The following LINGO2 variants were observed in gnomAD, a reference collection of about 807,000 sequenced individuals.
LINGO2 encodes leucine-rich repeat and immunoglobulin-like domain-containing nogo receptor-interacting protein 2.
A neutral mutation model predicts 30.6 loss-of-function variants in LINGO2; 14 were observed. The observed-to-expected ratio is 0.46, with a 90% CI of 0.30 to 0.72. LINGO2 has a LOEUF of 0.72. LINGO2 is among the 30% of genes least tolerant of loss of function. The pLI is 0.07. For synonymous variants in LINGO2, 317 were observed against 288.5 expected (o/e 1.10, Z -1.00); for missense variants, 729 against 751.7 (o/e 0.97, Z 0.35).
chr9:28,381,173 T>C (rs1821339413), intron 2 of LINGO2, among the ~76,000 whole-genome samples: 1 of 151,936 alleles, frequency 6.6e-6, no homozygotes, highest in African/African-American at 2.4e-5. Context: ...TCCAGAGTCC[T>C]AGTGTGGAAG....
At chr9:28,416,151 A>G (rs1319943948) in intron 2 of LINGO2, among the ~76,000 whole-genome samples, 1 of 152,194 alleles carries the variant, frequency 6.6e-6, no homozygotes, top group Non-Finnish European at 1.5e-5. Context: ...AGGAGTAGCT[A>G]TAGCAGATAT....
At chr9:29,093,090 G>C in the LINGO2 span, among the ~76,000 whole-genome samples, 1 of 128,592 alleles carries the variant, frequency 7.8e-6, no homozygotes, top group East Asian at 2.7e-4. Context: ...GGGACAGAGA[G>C]AGAGAGAGAG....
At chr9:29,132,720 C>T in the LINGO2 span, among the ~76,000 whole-genome samples, 7 of 152,110 alleles carry the variant, frequency 4.6e-5, no homozygotes, top group African/African-American at 1.7e-4. Context: ...TGCCAACAAC[C>T]TGGAAAACTT....
chr9:28,395,650 G>A (rs1390009248), intron 2 of LINGO2, among the ~76,000 whole-genome samples: 1 of 152,052 alleles, frequency 6.6e-6, no homozygotes, highest in Non-Finnish European at 1.5e-5. Flanking sequence ...AATTTCATTG[G>A]GTGGTAAATA....
chr9:28,591,561 A>G (rs897878860), intron 1 of LINGO2, among the ~76,000 whole-genome samples: 1 of 151,986 alleles, frequency 6.6e-6, no homozygotes, highest in African/African-American at 2.4e-5. Flanking sequence ...CCAAACCCCA[A>G]GTAAAAGTGT....
intron 1 of LINGO2, among the ~76,000 whole-genome samples, chr9:28,476,686 T>C (rs1420375409): frequency 1.3e-5 from 2 of 152,212 alleles, no homozygotes; most frequent in Non-Finnish European, 2.9e-5. Context: ...TATTTTGTTA[T>C]AACGTAATGA....
At chr9:27,982,013 T>C (rs920183297) in intron 5 of LINGO2, among the ~76,000 whole-genome samples, 1 of 151,878 alleles carries the variant, frequency 6.6e-6, no homozygotes, top group African/African-American at 2.4e-5. Flanking sequence ...ACCACGCTCT[T>C]GTCTTGTGTT....
At chr9:29,101,521 G>A in the LINGO2 span, among the ~76,000 whole-genome samples, 1 of 152,104 alleles carries the variant, frequency 6.6e-6, no homozygotes, top group Non-Finnish European at 1.5e-5. Flanking sequence ...CCCCTACCCA[G>A]TTAAAATGGC....
chr9:28,797,359 T>TATATAGAGAGAGAGAG, the LINGO2 span, among the ~76,000 whole-genome samples: 29 of 34,214 alleles, frequency 8.5e-4, no homozygotes, highest in East Asian at 1.6e-3. Flanking sequence ...TATATATATA[T>TATATAGAGAGAGAGAG]AGAGAGAGAG....
At chr9:27,989,074 C>T (rs970612638) in intron 5 of LINGO2, among the ~76,000 whole-genome samples, 2 of 151,908 alleles carry the variant, frequency 1.3e-5, no homozygotes, top group Non-Finnish European at 2.9e-5. Flanking sequence ...GCAGTCAGTT[C>T]GCCCAGCTTT....
In LINGO2 at chr9:28,015,888, T is replaced by A. The variant is rs188579353; in HGVS notation, c.-86-3483A>T. 3.3e-5 allele frequency among the ~76,000 whole-genome samples: 5 copies of A among 150,986 alleles called. No homozygotes were observed. The Admixed American group carries it at 3.3e-4, about 10-fold the overall frequency. On this transcript the variant is annotated intron_variant, in intron 4 of 5. Coordinates refer to ENST00000379992, the Ensembl canonical transcript of LINGO2. ...ACTGTGCTGAATGTTTCAGATGCAA[T>A]GGAGAGCAAAGCACTTGAACTCTGA...
chr9:28,921,922 T>A, the LINGO2 span, among the ~76,000 whole-genome samples: 8 of 152,140 alleles, frequency 5.3e-5, no homozygotes, highest in South Asian at 1.5e-3. Context: ...TTGAATCAGG[T>A]TTGCTGCACA....
the LINGO2 span, among the ~76,000 whole-genome samples, chr9:29,081,547 C>T: frequency 6.6e-6 from 1 of 152,082 alleles, no homozygotes; most frequent in African/African-American, 2.4e-5. Context: ...TCTCTCACCA[C>T]TCCTATTCAA....
At chr9:28,126,831 G>T (rs1161375336) in intron 4 of LINGO2, among the ~76,000 whole-genome samples, 1 of 152,194 alleles carries the variant, frequency 6.6e-6, no homozygotes, top group African/African-American at 2.4e-5. Context: ...ATGCTCAGCA[G>T]TGAGCAGAAG....
chr9:28,210,137 C>A (rs1820539948), intron 4 of LINGO2, among the ~76,000 whole-genome samples: 1 of 151,552 alleles, frequency 6.6e-6, no homozygotes, highest in African/African-American at 2.4e-5. Context: ...ATTCAAGGTC[C>A]AGATATTTCA....
At chr9:28,871,686 T>C in the LINGO2 span, among the ~76,000 whole-genome samples, 101 of 152,034 alleles carry the variant, frequency 6.6e-4, no homozygotes, top group African/African-American at 2.3e-3. Context: ...AGATGACAAG[T>C]AGAAGGAGCA....
chr9:28,793,217 A>G, the LINGO2 span, among the ~76,000 whole-genome samples: 1 of 152,270 alleles, frequency 6.6e-6, no homozygotes, highest in Non-Finnish European at 1.5e-5. Context: ...GAAAATGACA[A>G]AGTTCACAGA....
the LINGO2 span, among the ~76,000 whole-genome samples, chr9:28,975,484 G>A: frequency 6.6e-6 from 1 of 152,280 alleles, no homozygotes; most frequent in South Asian, 2.1e-4. Context: ...TAACTTGCCA[G>A]TGCCTAGTGC....
intron 4 of LINGO2, among the ~76,000 whole-genome samples, chr9:28,068,661 C>T (rs929760415): frequency 1.3e-5 from 2 of 152,098 alleles, no homozygotes; most frequent in African/African-American, 2.4e-5. Context: ...CATACTTATT[C>T]GATCTGCAAA....
Sources: allele counts gnomAD v4.1 joint callset (sites outside exome capture counted in the v4.1 genomes callset), GRCh38; gene constraint gnomAD v4.1.1; transcripts MANE v1.5; gene names NCBI Gene and HGNC (gene_info 2026-07-23, HGNC 2026-07-21).